The following TSNARE1 variants were observed in gnomAD, a reference collection of about 807,000 sequenced individuals.
TSNARE1 encodes the protein t-SNARE domain-containing protein 1.
In TSNARE1, 49 loss-of-function variants were observed where a neutral mutation model predicts 62.0. That is an observed-to-expected ratio of 0.79 (90% CI 0.63 to 1.00). The LOEUF (loss-of-function observed/expected upper bound fraction) is 1.00, where lower values mean the gene tolerates loss of function less well. Among genes scored for constraint, TSNARE1 ranks in the 50% least tolerant of loss-of-function variants. The probability of loss-of-function intolerance (pLI) is 0.00; values close to 1 mark genes in which losing one functional copy is unlikely to be tolerated. For missense variants in TSNARE1, 755 were observed against 700.1 expected, an observed-to-expected ratio of 1.08 and a Z score of -0.88; for synonymous variants, 328 against 294.4, an observed-to-expected ratio of 1.11 and a Z score of -1.17.
chr8:142,270,711 A>G, intron 12 of TSNARE1: 2 of 985,312 alleles, frequency 2.0e-6, no homozygotes, highest in Non-Finnish European at 2.4e-6. Context: ...AGTTCCAGTG[A>G]GCAGGGGGCC....
At chr8:142,273,660 C>A in intron 12 of TSNARE1, 1 of 985,336 alleles carries the variant, frequency 1.0e-6, no homozygotes, top group Non-Finnish European at 1.2e-6. Flanking sequence ...ATGGGGAGGC[C>A]CAAACTGGGA....
At chr8:142,394,700 C>A (rs998196563) in intron 1 of TSNARE1, among the ~76,000 whole-genome samples, 1 of 152,186 alleles carries the variant, frequency 6.6e-6, no homozygotes, top group Non-Finnish European at 1.5e-5. Flanking sequence ...GAAAACAACT[C>A]CCACCTCCCT....
At chr8:142,314,532 C>A (rs1457727209) in intron 8 of TSNARE1, 92 bp from the exon 9 acceptor site, 9 of 1,142,022 alleles carry the variant, frequency 7.9e-6, no homozygotes, top group East Asian at 5.1e-5. Context: ...GGGCTCTGGA[C>A]GACGGTGCAG....
chr8:142,229,431 G>A, intron 13 of TSNARE1, 42 bp downstream of exon 13: 9 of 1,447,374 alleles, frequency 6.2e-6, no homozygotes, highest in Non-Finnish European at 8.8e-6. Context: ...GATGGTGGAT[G>A]TGCAGATGAA....
chr8:142,400,903 C>G (rs1005722680), intron 1 of TSNARE1, among the ~76,000 whole-genome samples: 5 of 152,204 alleles, frequency 3.3e-5, no homozygotes, highest in Non-Finnish European at 7.3e-5. Context: ...TGAGAGTAAA[C>G]TGAGTAATGA....
intron 2 of TSNARE1, among the ~76,000 whole-genome samples, chr8:142,347,601 C>A (rs1315340303): frequency 6.6e-6 from 1 of 152,208 alleles, no homozygotes; most frequent in African/African-American, 2.4e-5. Context: ...GTCCCACAGG[C>A]CCCCAGAGAG....
intron 11 of TSNARE1, among the ~76,000 whole-genome samples, chr8:142,280,600 T>G (rs1821264696): frequency 6.6e-6 from 1 of 152,174 alleles, no homozygotes; most frequent in African/African-American, 2.4e-5. Context: ...TCCCCACGAC[T>G]GCTCCCTTCC....
intron 1 of TSNARE1, among the ~76,000 whole-genome samples, chr8:142,392,156 T>TG (rs1228344525): frequency 6.6e-6 from 1 of 152,146 alleles, no homozygotes; most frequent in African/African-American, 2.4e-5. Context: ...CCCGAGTGGC[T>TG]GGGATTACAG....
chr8:142,344,273 C>G lies in TSNARE1; in HGVS notation c.438G>C (p.Leu146=), dbSNP rs1833045009. ...LVSKVSKHHQ[L]LFGTGLLKAE... Reference sequence around the variant, plus strand: ...CCTTCAGCAGCCCCGTGCCAAACAGCAGCTGGTGGTGCTTGCTCACCTTGG... The same window carrying G: ...CCTTCAGCAGCCCCGTGCCAAACAGGAGCTGGTGGTGCTTGCTCACCTTGG... The change falls in exon 4 of 14, where the codon CTG becomes CTC. Residue 146 remains leucine (L), a synonymous_variant. Transcript: ENST00000524325. The G allele has an allele frequency of 6.2e-7, 1 of 1,605,426 alleles. No homozygotes were observed. Among genetic ancestry groups the G allele is most frequent in the Non-Finnish European group, 8.5e-7 (1 of 1,173,912 alleles).
rs1288751113 is a variant in TSNARE1, at chr8:142,247,043, C to A, written c.1447-17464G>T. On this transcript the variant is annotated intron_variant, in intron 12 of 13. Transcript: ENST00000524325. Reference sequence around the variant, plus strand: ...AGCTATGGCCAGACGATGTCCTGTACATGCAGCTCTCTCCTCCTGGAGAAA... The same window carrying A: ...AGCTATGGCCAGACGATGTCCTGTAAATGCAGCTCTCTCCTCCTGGAGAAA... Among the ~76,000 whole-genome samples the A allele has an allele frequency of 2.0e-5, 3 of 152,246 alleles. No individual in the cohort carries two copies. In the East Asian group the frequency reaches 5.8e-4, roughly 29 times the overall value.
At chr8:142,275,640 C>A in intron 11 of TSNARE1, 1 of 985,430 alleles carries the variant, frequency 1.0e-6, no homozygotes. Context: ...AACACGAGCA[C>A]GGGCAAGCCT....
rs188094084 is a variant in TSNARE1, at chr8:142,270,777, C to T, written c.1446+4004G>A. 299 of 985,418 alleles carry T rather than the reference C, an allele frequency of 3.0e-4. 4 individuals carry two copies. In the East Asian group the frequency reaches 0.026, roughly 84 times the overall value. 61.0% of individuals were successfully genotyped at this position (985,418 alleles called of 1,614,324 possible). A position where few individuals can be genotyped will look rare whatever the true frequency, so the allele number is the denominator to read the frequency against. The stretch of plus-strand genomic sequence containing the variant: ...TCCAGGGACGCTGGGCTGCAGACTT[C>T]GCAGCTGCTGCCACATGGGGTTGGA... On this transcript the variant is annotated intron_variant, in intron 12 of 13. Coordinates refer to ENST00000524325, the MANE Select transcript of TSNARE1 (RefSeq NM_145003.5).
At chr8:142,296,774 G>A (rs960418535) in intron 10 of TSNARE1, among the ~76,000 whole-genome samples, 25 of 152,036 alleles carry the variant, frequency 1.6e-4, no homozygotes, top group African/African-American at 5.8e-4. Flanking sequence ...AGCCAGCAGG[G>A]GTCCTCAGGG....
At chr8:142,246,698 C>T (rs1227423094) in intron 12 of TSNARE1, among the ~76,000 whole-genome samples, 2 of 152,294 alleles carry the variant, frequency 1.3e-5, no homozygotes, top group South Asian at 2.1e-4. Context: ...GAGGGATGAC[C>T]GAGGACCTGG....
chr8:142,328,809 G>A (rs1343670990), intron 6 of TSNARE1, among the ~76,000 whole-genome samples: 2 of 119,534 alleles, frequency 1.7e-5, no homozygotes, highest in African/African-American at 6.4e-5. Context: ...TCTGTGACAG[G>A]GAGGCCTTTG....
At chr8:142,255,540 C>T (rs1586863784) in intron 12 of TSNARE1, among the ~76,000 whole-genome samples, 1 of 64,424 alleles carries the variant, frequency 1.6e-5, no homozygotes, top group African/African-American at 8.6e-5. Context: ...CCACCATCAC[C>T]ATCACCACCA....
At chr8:142,285,368 G>A (rs1822537364) in intron 10 of TSNARE1, among the ~76,000 whole-genome samples, 2 of 140,798 alleles carry the variant, frequency 1.4e-5, no homozygotes, top group African/African-American at 5.1e-5. Flanking sequence ...GGGTGGGTGG[G>A]TAGATGTATG....
chr8:142,240,748 T>C (rs73716170), intron 12 of TSNARE1, among the ~76,000 whole-genome samples: 2,147 of 152,134 alleles, frequency 0.014, 48 homozygotes, highest in African/African-American at 0.048. Context: ...AAGTAATGGG[T>C]CAAAGAAAAA....
chr8:142,259,053 G>A (rs1460782616), intron 12 of TSNARE1, among the ~76,000 whole-genome samples: 2 of 152,220 alleles, frequency 1.3e-5, no homozygotes, highest in Non-Finnish European at 2.9e-5. Flanking sequence ...CAGTCACGCT[G>A]CAGCTGAGGC....
Sources: allele counts gnomAD v4.1 joint callset (sites outside exome capture counted in the v4.1 genomes callset), GRCh38; gene constraint gnomAD v4.1.1; transcripts MANE v1.5; gene names NCBI Gene and HGNC (gene_info 2026-07-23, HGNC 2026-07-21).